ZNF469: variants seen among roughly 807,000 people sequenced by gnomAD.
The protein encoded by ZNF469 is zinc finger protein 469.
A neutral mutation model predicts 1.0 loss-of-function variants in ZNF469; 1 was observed. That is an observed-to-expected ratio of 1.00 (90% CI 0.35 to 4.73). ZNF469 has a LOEUF of 4.73. ZNF469 is among the 30% of genes most tolerant of loss of function. ZNF469 has a pLI of 0.16. For missense variants in ZNF469, 6,100 were observed against 5,356.3 expected (o/e 1.14, Z -4.33); for synonymous variants, 2,703 against 2,363.4 (o/e 1.14, Z -4.17).
At chr16:88,392,261 C>T (rs918544337) in intron 1 of ZNF469, among the ~76,000 whole-genome samples, 3 of 152,266 alleles carry the variant, frequency 2.0e-5, no homozygotes, top group Non-Finnish European at 2.9e-5. Context: ...GATGTGCAAA[C>T]GCTCCGTGGC....
chr16:88,117,394 GA>G, the ZNF469 span, among the ~76,000 whole-genome samples: 33 of 151,332 alleles, frequency 2.2e-4, no homozygotes, highest in East Asian at 6.4e-3. Flanking sequence ...TTTACAAAAA[GA>G]AAAAAATGAA....
At chr16:88,338,951 G>C in the ZNF469 span, among the ~76,000 whole-genome samples, 4 of 151,954 alleles carry the variant, frequency 2.6e-5, no homozygotes, top group South Asian at 4.2e-4. Context: ...AAGTTCCCCA[G>C]TTTATGGCAC....
the ZNF469 span, among the ~76,000 whole-genome samples, chr16:88,355,493 C>T: frequency 6.6e-5 from 10 of 152,206 alleles, no homozygotes. Flanking sequence ...GTGAGCGTGG[C>T]GTCGGTGACC....
the ZNF469 span, among the ~76,000 whole-genome samples, chr16:88,251,444 G>T: frequency 2.6e-4 from 38 of 148,206 alleles, no homozygotes; most frequent in Non-Finnish European, 5.2e-4. Context: ...TTCTTCTGAA[G>T]ATTGTTGCTT....
chr16:88,381,162 AC>A (rs999721487), upstream of ZNF469, among the ~76,000 whole-genome samples: 6 of 144,090 alleles, frequency 4.2e-5, no homozygotes, highest in African/African-American at 1.6e-4. Flanking sequence ...ACACACAGAC[AC>A]GCCCTCACAC....
At chr16:88,134,097 C>CAATGAATGAATG in the ZNF469 span, among the ~76,000 whole-genome samples, 301 of 150,752 alleles carry the variant, frequency 2.0e-3, 1 homozygote, top group African/African-American at 6.4e-3. Context: ...GTCTCTGTCT[C>CAATGAATGAATG]AATGAATGAA....
At chr16:88,347,408 G>A in the ZNF469 span, among the ~76,000 whole-genome samples, 5 of 152,086 alleles carry the variant, frequency 3.3e-5, no homozygotes, top group East Asian at 3.9e-4. Flanking sequence ...CCACTGAGCC[G>A]CGGGCACACC....
At chr16:88,239,161 G>C in the ZNF469 span, among the ~76,000 whole-genome samples, 2 of 152,068 alleles carry the variant, frequency 1.3e-5, no homozygotes, top group Non-Finnish European at 2.9e-5. Flanking sequence ...GAGGGAGGTG[G>C]GGTTGTGCCG....
the ZNF469 span, among the ~76,000 whole-genome samples, chr16:88,236,477 C>G: frequency 4.6e-5 from 7 of 152,260 alleles, no homozygotes; most frequent in African/African-American, 1.4e-4. Context: ...TGTCCGACCC[C>G]CACTTCCCAT....
At chr16:88,231,211 C>T in the ZNF469 span, among the ~76,000 whole-genome samples, 39 of 152,236 alleles carry the variant, frequency 2.6e-4, no homozygotes, top group African/African-American at 8.4e-4. The surrounding 1 kb of genome is among the most constrained non-coding windows in gnomAD (Gnocchi z 4.5). Flanking sequence ...GTTGCCCAAA[C>T]GGGAGGAACA....
chr16:88,273,242 G>A, the ZNF469 span, among the ~76,000 whole-genome samples: 1 of 86,444 alleles, frequency 1.2e-5, no homozygotes, highest in Non-Finnish European at 2.3e-5. Context: ...ATCCTGTGTG[G>A]TGTTATGCTA....
the ZNF469 span, among the ~76,000 whole-genome samples, chr16:88,131,641 G>A: frequency 0.015 from 2,182 of 146,274 alleles, no homozygotes; most frequent in African/African-American, 0.054. Context: ...CCTGTGAGGC[G>A]AGGCAGGCTG....
the ZNF469 span, among the ~76,000 whole-genome samples, chr16:88,149,175 CTGA>C: frequency 6.6e-6 from 1 of 152,192 alleles, no homozygotes; most frequent in African/African-American, 2.4e-5. Flanking sequence ...ACCACATCAG[CTGA>C]TATTGTGGAA....
chr16:88,269,730 A>G, the ZNF469 span, among the ~76,000 whole-genome samples: 14 of 151,700 alleles, frequency 9.2e-5, no homozygotes, highest in Non-Finnish European at 2.1e-4. Flanking sequence ...CCCAGCACAC[A>G]TTTGCCGGTT....
the ZNF469 span, among the ~76,000 whole-genome samples, chr16:88,118,163 A>G: frequency 6.6e-6 from 1 of 151,468 alleles, no homozygotes; most frequent in African/African-American, 2.4e-5. Flanking sequence ...GGCTGCTCTC[A>G]AACTCCTGAC....
At chr16:88,187,429 A>G in the ZNF469 span, among the ~76,000 whole-genome samples, 1 of 152,250 alleles carries the variant, frequency 6.6e-6, no homozygotes. Context: ...AACCTCCGGA[A>G]TGGCTCCTAA....
the ZNF469 span, among the ~76,000 whole-genome samples, chr16:88,167,603 G>A: frequency 6.6e-6 from 1 of 152,176 alleles, no homozygotes; most frequent in Non-Finnish European, 1.5e-5. Flanking sequence ...TTAGGAATGT[G>A]GTAGGGAGGT....
the ZNF469 span, among the ~76,000 whole-genome samples, chr16:88,315,140 A>G: frequency 2.6e-5 from 4 of 152,362 alleles, no homozygotes; most frequent in Non-Finnish European, 5.9e-5. Context: ...TATTTTGGTG[A>G]GAGCCAGGGG....
rs886052415 is a variant in ZNF469, at chr16:88,436,494, C to G, written c.9024C>G (p.Asp3008Glu). ...TGGAGATGCCGGCCCCTGCCGATGA[C>G]TCCTCCTCTTCTCTCGGAGATGTGA... ...RGLEMPAPADDSSSSLGDVSP... is the reference protein window; with the variant it reads ...RGLEMPAPADESSSSLGDVSP... Residue 3008 changes from aspartate (D) to glutamate (E), a missense_variant, in exon 3 of 3, where the codon GAC (aspartate) becomes GAG (glutamate). By Grantham distance (45) the Asp-to-Glu change is conservative. Transcript: ENST00000565624. The G allele has an allele frequency of 2.6e-5, 41 of 1,548,084 alleles. No homozygotes were observed. The highest frequency in any genetic ancestry group is 3.5e-5 in the Non-Finnish European group (40 of 1,146,972).
Sources: allele counts gnomAD v4.1 joint callset (sites outside exome capture counted in the v4.1 genomes callset), GRCh38; gene constraint gnomAD v4.1.1; non-coding constraint Gnocchi (gnomAD v3.1); transcripts MANE v1.5; gene names NCBI Gene and HGNC (gene_info 2026-07-23, HGNC 2026-07-21).